The following ITIH5 variants were observed in gnomAD, a reference collection of about 807,000 sequenced individuals.
The protein encoded by ITIH5 is inter-alpha-trypsin inhibitor heavy chain H5.
Under a neutral mutation model 77.5 loss-of-function variants are expected in ITIH5, and 65 were observed. That is an observed-to-expected ratio of 0.84 (90% confidence interval 0.69 to 1.03). The LOEUF (loss-of-function observed/expected upper bound fraction) is 1.03. Ranked by LOEUF, ITIH5 falls within the 50% of genes least tolerant of loss-of-function variation. The pLI, the probability that ITIH5 is intolerant of heterozygous loss-of-function variation, is 0.00. For synonymous variants in ITIH5, 525 were observed against 494.3 expected, an observed-to-expected ratio of 1.06 and a Z score of -0.82; for missense variants, 1,208 against 1,213.1, an observed-to-expected ratio of 1.00 and a Z score of 0.06.
chr10:7,572,636 G>A, intron 11 of ITIH5: 1 of 378,416 alleles, frequency 2.6e-6, no homozygotes, highest in Non-Finnish European at 4.7e-6. Flanking sequence ...CCTGGGGACT[G>A]TGCTATCTCC....
intron 2 of ITIH5, among the ~76,000 whole-genome samples, chr10:7,650,694 C>T (rs1199297219): frequency 1.3e-5 from 2 of 151,724 alleles, no homozygotes; most frequent in Non-Finnish European, 2.9e-5. Flanking sequence ...CAAGATAATG[C>T]CATTGCACTC....
rs1397990181 is a variant in ITIH5 at position 7,576,679 on chromosome 10, C to T, written c.1752G>A (p.Glu584=). 1 of 1,614,180 alleles carries T rather than the reference C, an allele frequency of 6.2e-7. No homozygotes were observed. The highest frequency in any genetic ancestry group is 1.7e-5 in the Admixed American group (1 of 60,026). The change falls in exon 10 of 14, where the codon GAG becomes GAA. Residue 584 remains glutamate (E), a synonymous_variant. Coordinates refer to ENST00000397146, the MANE Select transcript of ITIH5 (RefSeq NM_030569.7). ...CACTTTGCAGCCAGGAGCTCAGCAG[C>T]TCCTTTGTGGTGAGGTAGCTCCAGA... is the stretch of plus-strand genomic sequence containing the variant. ...ERLWSYLTTK[E]LLSSWLQSDD...
chr10:7,563,867 A>G (rs908004953), intron 13 of ITIH5, among the ~76,000 whole-genome samples: 13 of 152,260 alleles, frequency 8.5e-5, no homozygotes, highest in South Asian at 6.2e-4. Context: ...CTCAGGCCAC[A>G]GGAATAAAGA....
intron 5 of ITIH5, among the ~76,000 whole-genome samples, chr10:7,622,933 T>C (rs1330936941): frequency 6.6e-6 from 1 of 152,240 alleles, no homozygotes; most frequent in African/African-American, 2.4e-5. Flanking sequence ...TATTAGGTAA[T>C]GACAAAGTAC....
At chr10:7,580,386 C>T (rs551463403) in intron 8 of ITIH5, among the ~76,000 whole-genome samples, 41 of 152,290 alleles carry the variant, frequency 2.7e-4, no homozygotes, top group South Asian at 1.7e-3. Flanking sequence ...TCCCAAAGTG[C>T]TGGAATCACA....
chr10:7,637,174 A>C (rs1833811420), intron 5 of ITIH5, 54 bp downstream of exon 5: 1 of 1,564,540 alleles, frequency 6.4e-7, no homozygotes, highest in South Asian at 1.2e-5. Flanking sequence ...GAAGCCAAGG[A>C]CCAGCTGGGT....
intron 8 of ITIH5, 68 bp downstream of exon 8, chr10:7,585,825 CAAAAAAAA>C (rs878937206): frequency 1.5e-5 from 13 of 858,560 alleles, no homozygotes; most frequent in African/African-American, 3.3e-5. Context: ...TATCTCTTGG[CAAAAAAAA>C]AAAAAAACCA....
At chr10:7,564,606 T>C (rs1832102764) in intron 13 of ITIH5, among the ~76,000 whole-genome samples, 1 of 152,042 alleles carries the variant, frequency 6.6e-6, no homozygotes, top group Non-Finnish European at 1.5e-5. Context: ...GTGGGTAGTA[T>C]GCGACACTAT....
Position 7,576,901 on chromosome 10 carries a change from C to T in ITIH5, c.1530G>A (p.Ser510=), listed in dbSNP as rs578011384. Residue 510 remains serine, a synonymous_variant, in exon 10 of 14, where the codon TCG becomes TCA. Transcript: ENST00000397146. ...CCAGCTTCCCCGCAATGATGATCTC[C>T]GAGCCGTTGAAGTAGTTGGGGAACA... is the stretch of plus-strand genomic sequence containing the variant. ...KTLFPNYFNG[S]EIIIAGKLVD... The T allele has an allele frequency of 1.4e-5, 22 of 1,613,998 alleles. No homozygotes were observed. The highest frequency in any genetic ancestry group is 4.5e-5 in the East Asian group (2 of 44,872).
In ITIH5 at chr10:7,579,604, A is replaced by C. The variant is rs118105411; in HGVS notation, c.1418+151T>G. On this transcript the variant is annotated intron_variant, in intron 9 of 13. Coordinates refer to ENST00000397146, the MANE Select transcript of ITIH5 (RefSeq NM_030569.7). Reference sequence around the variant, plus strand: ...ACTCTGATCTGCCTAGTTTCAAAACACATGGTGACACCTCCCATTGCAATG... The same window carrying C: ...ACTCTGATCTGCCTAGTTTCAAAACCCATGGTGACACCTCCCATTGCAATG... The C allele has an allele frequency of 3.8e-4, 284 of 743,036 alleles. 1 individual carries two copies. In the East Asian group the frequency reaches 7.0e-3, roughly 18 times the overall value. The allele number at this position is 743,036 out of a possible 1,614,324, so 46.0% of individuals were successfully genotyped here.
At chr10:7,605,397 G>A (rs1282978721) in intron 7 of ITIH5, among the ~76,000 whole-genome samples, 1 of 151,384 alleles carries the variant, frequency 6.6e-6, no homozygotes, top group Non-Finnish European at 1.5e-5. Context: ...ACCCCATCAC[G>A]CAACTACTGG....
intron 13 of ITIH5, among the ~76,000 whole-genome samples, chr10:7,565,195 TAC>T (rs60192246): frequency 0.77 from 112,556 of 145,782 alleles, 44,312 homozygotes; most frequent in Non-Finnish European, 0.86. Flanking sequence ...TATATATATA[TAC>T]ACACACATAC....
chr10:7,644,626 C>CATATATCACATGTATATCAT (rs1833958550), intron 2 of ITIH5, among the ~76,000 whole-genome samples: 1 of 98,400 alleles, frequency 1.0e-5, no homozygotes, highest in African/African-American at 4.4e-5. Flanking sequence ...ATATATATCA[C>CATATATCACATGTATATCAT]ATATATCACA....
chr10:7,630,239 C>T (rs1833691038), intron 5 of ITIH5, among the ~76,000 whole-genome samples: 1 of 152,170 alleles, frequency 6.6e-6, no homozygotes, highest in Non-Finnish European at 1.5e-5. Flanking sequence ...ATATACCTAG[C>T]ATAGGTGCTC....
intron 8 of ITIH5, among the ~76,000 whole-genome samples, chr10:7,585,379 C>T (rs34161732): frequency 0.043 from 6,517 of 152,232 alleles, 185 homozygotes; most frequent in Non-Finnish European, 0.068. Flanking sequence ...CCAAGACAAG[C>T]GTGCAGTGGC....
At chr10:7,655,934 C>A (rs367646373) in intron 1 of ITIH5, among the ~76,000 whole-genome samples, 3 of 152,326 alleles carry the variant, frequency 2.0e-5, no homozygotes, top group East Asian at 3.9e-4. Flanking sequence ...CCTGAGCATT[C>A]TTCTATCTGT....
rs375607999 is a variant in ITIH5 at position 7,569,657 on chromosome 10, G to A, written c.2149+11C>T. 311 of 1,573,448 alleles carry A rather than the reference G, an allele frequency of 2.0e-4. 2 individuals carry two copies. The highest frequency in any genetic ancestry group is 7.1e-4 in the South Asian group (61 of 86,258). Reference sequence around the variant, plus strand: ...CCTTGCCCAGATGCTGCAGCGGAAGGTAGAACTTACCAGAGTCCCTGTGAT... The same window carrying A: ...CCTTGCCCAGATGCTGCAGCGGAAGATAGAACTTACCAGAGTCCCTGTGAT... On this transcript the variant is annotated intron_variant, in intron 12 of 13. Coordinates refer to ENST00000397146, the MANE Select transcript of ITIH5 (RefSeq NM_030569.7).
chr10:7,617,301 C>A lies in ITIH5; in HGVS notation c.653-19G>T. On this transcript the variant is annotated intron_variant, in intron 5 of 13. Transcript: ENST00000397146. The stretch of plus-strand genomic sequence containing the variant: ...GAATCATCTGCAAACAAGATAGAAA[C>A]ATAATTAATAACTTAATATATATTT... 2 of 1,435,432 alleles carry A rather than the reference C, an allele frequency of 1.4e-6. No homozygotes were observed. The highest frequency in any genetic ancestry group is 1.9e-6 in the Non-Finnish European group (2 of 1,079,530). The allele number at this position is 1,435,432 out of a possible 1,614,324, so 88.9% of individuals were successfully genotyped here. A position where few individuals can be genotyped will look rare whatever the true frequency, so the allele number is the denominator to read the frequency against.
At chr10:7,662,824 T>C (rs1203213563) in intron 1 of ITIH5, among the ~76,000 whole-genome samples, 1 of 152,236 alleles carries the variant, frequency 6.6e-6, no homozygotes, top group Non-Finnish European at 1.5e-5. Flanking sequence ...GGAGACGTTA[T>C]TGAATGGCCA....
Sources: gnomAD v4.1 joint callset for allele counts (sites outside exome capture counted in the v4.1 genomes callset) on GRCh38, gnomAD v4.1.1 for gene constraint, MANE v1.5 for transcripts, NCBI Gene and HGNC (gene_info 2026-07-23, HGNC 2026-07-21) for gene names.